FSTL5: variants seen among roughly 807,000 people sequenced by gnomAD.
FSTL5 encodes follistatin like 5.
In FSTL5, 62 loss-of-function variants were observed where a neutral mutation model predicts 89.1. The ratio of observed to expected loss-of-function variants is 0.70; its 90% CI spans 0.57 to 0.86. The LOEUF is 0.86. FSTL5 is among the 40% of genes least tolerant of loss of function. FSTL5 has a pLI of 0.00. For synonymous variants in FSTL5, 383 were observed against 346.2 expected (o/e 1.11, Z -1.18); for missense variants, 1,057 against 1,001.6 (o/e 1.06, Z -0.75).
intron 6 of FSTL5, among the ~76,000 whole-genome samples, chr4:161,719,979 T>C (rs938317842): frequency 6.6e-6 from 1 of 152,076 alleles, no homozygotes; most frequent in Non-Finnish European, 1.5e-5. Flanking sequence ...AAAAACCTTA[T>C]TGACATTGGC....
intron 6 of FSTL5, among the ~76,000 whole-genome samples, chr4:161,667,182 C>G (rs1228037771): frequency 1.3e-5 from 2 of 151,904 alleles, no homozygotes; most frequent in Non-Finnish European, 2.9e-5. Flanking sequence ...TTCAAGGGTT[C>G]TGTTAACTTT....
At chr4:161,717,115 T>G (rs534990220) in intron 6 of FSTL5, among the ~76,000 whole-genome samples, 6 of 152,330 alleles carry the variant, frequency 3.9e-5, no homozygotes, top group African/African-American at 1.4e-4. Context: ...TGGTGATTCT[T>G]GTTTAAGACA....
At chr4:161,404,704 CT>C (rs1731297392) in intron 15 of FSTL5, among the ~76,000 whole-genome samples, 1 of 147,780 alleles carries the variant, frequency 6.8e-6, no homozygotes, top group South Asian at 2.2e-4. Flanking sequence ...AGAAAAGTGA[CT>C]TAAAAAAAAA....
intron 6 of FSTL5, among the ~76,000 whole-genome samples, chr4:161,715,370 G>A (rs562747985): frequency 2.6e-5 from 4 of 152,078 alleles, no homozygotes; most frequent in African/African-American, 9.7e-5. Flanking sequence ...ATAGTGGATC[G>A]TTCTGTCTTT....
chr4:162,148,612 G>A (rs1003897411), intron 1 of FSTL5, among the ~76,000 whole-genome samples: 8 of 152,062 alleles, frequency 5.3e-5, no homozygotes, highest in African/African-American at 1.7e-4. Flanking sequence ...CAAAATAAAC[G>A]ATTAGCATGT....
At chr4:162,138,485 C>A (rs1359076739) in intron 1 of FSTL5, among the ~76,000 whole-genome samples, 2 of 151,942 alleles carry the variant, frequency 1.3e-5, no homozygotes, top group Non-Finnish European at 2.9e-5. Flanking sequence ...AATCCTTAAT[C>A]TTTAAAAAGA....
chr4:161,972,912 G>T (rs1473408175), intron 3 of FSTL5, among the ~76,000 whole-genome samples: 1 of 152,258 alleles, frequency 6.6e-6, no homozygotes, highest in East Asian at 1.9e-4. Context: ...TTACACACTT[G>T]TTTATAAAAA....
At position 161,958,132 on chromosome 4, in the gene FSTL5, T is replaced by G. The variant is rs541777222; in HGVS notation, c.161-37480A>C. Among the ~76,000 whole-genome samples the G allele has an allele frequency of 2.6e-5, 4 of 152,234 alleles. No individual in the cohort carries two copies. The South Asian group carries it at 8.3e-4, about 32-fold the overall frequency. ...TGATCTGCTGTTTATTCTTCCACTG[T>G]ATCTATCCTATCAGACGTTGTGGTT... On this transcript the variant is annotated intron_variant, in intron 3 of 15. Coordinates refer to ENST00000306100, the MANE Select transcript of FSTL5 (RefSeq NM_020116.5).
chr4:161,873,595 A>T (rs1348837817), intron 4 of FSTL5, among the ~76,000 whole-genome samples: 3 of 140,932 alleles, frequency 2.1e-5, no homozygotes, highest in African/African-American at 2.6e-5. Context: ...AAGATATTTA[A>T]ATATATATAT....
chr4:161,786,833 C>T lies in FSTL5; in HGVS notation c.410-10759G>A, dbSNP rs183850472. ...TATTAAGAACCTCTGGTATGTGTAACCTATCTGCCAATGTCCATCACTTTT... is the reference window on the plus strand; with the variant it reads ...TATTAAGAACCTCTGGTATGTGTAATCTATCTGCCAATGTCCATCACTTTT... On this transcript the variant is annotated intron_variant, in intron 4 of 15. Transcript: ENST00000306100. Among the ~76,000 whole-genome samples the T allele has an allele frequency of 2.7e-3, 407 of 152,202 alleles. 1 individual carries two copies. Among genetic ancestry groups the T allele is most frequent in the South Asian group, 6.0e-3 (29 of 4,826 alleles).
intron 8 of FSTL5, among the ~76,000 whole-genome samples, chr4:161,572,310 ACTCCGT>A (rs1489865853): frequency 8.1e-6 from 1 of 124,128 alleles, no homozygotes. Context: ...ATAGAGTGAG[ACTCCGT>A]CTAAAAAAAA....
chr4:161,697,006 G>A (rs1306471537), intron 6 of FSTL5, among the ~76,000 whole-genome samples: 1 of 152,188 alleles, frequency 6.6e-6, no homozygotes, highest in African/African-American at 2.4e-5. Flanking sequence ...AGTGGTGGGA[G>A]TGGATATCCT....
chr4:161,407,402 T>G (rs1208469969), intron 15 of FSTL5, among the ~76,000 whole-genome samples: 2 of 152,140 alleles, frequency 1.3e-5, no homozygotes, highest in African/African-American at 4.8e-5. Context: ...GGGGAGGAGA[T>G]GCAGTCGCCG....
chr4:161,514,203 GGAT>G (rs1730741282), intron 10 of FSTL5, among the ~76,000 whole-genome samples: 1 of 151,276 alleles, frequency 6.6e-6, no homozygotes. Context: ...GACCATCAAT[GGAT>G]GATTGGATAA....
chr4:161,930,282 GC>G (rs1450099758), intron 3 of FSTL5, among the ~76,000 whole-genome samples: 1 of 151,736 alleles, frequency 6.6e-6, no homozygotes, highest in Non-Finnish European at 1.5e-5. Flanking sequence ...TAAATTCTTA[GC>G]TTTGGCATAA....
intron 2 of FSTL5, among the ~76,000 whole-genome samples, chr4:162,109,667 T>C (rs901943149): frequency 3.9e-5 from 6 of 152,066 alleles, no homozygotes; most frequent in African/African-American, 1.4e-4. Context: ...TAAAGGTATA[T>C]ACTAACACAT....
intron 3 of FSTL5, among the ~76,000 whole-genome samples, chr4:161,998,262 T>C (rs972475022): frequency 6.6e-6 from 1 of 152,160 alleles, no homozygotes; most frequent in African/African-American, 2.4e-5. Context: ...GTAAATACTG[T>C]CTCTTCTTCT....
chr4:161,481,318 A>T, intron 12 of FSTL5, 149 bp from the exon 13 acceptor site: 1 of 437,856 alleles, frequency 2.3e-6, no homozygotes, highest in Non-Finnish European at 3.9e-6. Context: ...AATAGAACAT[A>T]TTTCAGTTCA....
intron 2 of FSTL5, among the ~76,000 whole-genome samples, chr4:162,061,888 G>A (rs1738729387): frequency 6.6e-6 from 1 of 151,936 alleles, no homozygotes; most frequent in South Asian, 2.1e-4. Flanking sequence ...GTAGCTTTTT[G>A]AAAGTTTAAT....
Sources: allele counts gnomAD v4.1 joint callset (sites outside exome capture counted in the v4.1 genomes callset), GRCh38; gene constraint gnomAD v4.1.1; transcripts MANE v1.5; gene names NCBI Gene and HGNC (gene_info 2026-07-23, HGNC 2026-07-21).